Variants in CPHXL2 observed in about 807,000 individuals in gnomAD.
CPHXL2 encodes cytoplasmic polyadenylated homeobox like 2, also known as cytoplasmic polyadenylated homeobox-like protein 2.
the CPHXL2 span, among the ~76,000 whole-genome samples, chr16:75,662,335 CTTTTT>C: frequency 7.3e-4 from 92 of 126,760 alleles, 1 homozygote; most frequent in African/African-American, 2.8e-3. Flanking sequence ...TCTTTCTTTT[CTTTTT>C]TTTTTTTTTT....
the CPHXL2 span, among the ~76,000 whole-genome samples, chr16:75,667,603 A>G: frequency 6.6e-6 from 1 of 152,164 alleles, no homozygotes; most frequent in Non-Finnish European, 1.5e-5. Flanking sequence ...GTCCACAAAT[A>G]TTGGTTCATG....
the CPHXL2 span, among the ~76,000 whole-genome samples, chr16:75,666,217 C>T: frequency 1.3e-5 from 2 of 152,070 alleles, no homozygotes; most frequent in Non-Finnish European, 2.9e-5. Context: ...AGGCCTTGTA[C>T]AACAGGAAAA....
At chr16:75,662,830 G>A in the CPHXL2 span, among the ~76,000 whole-genome samples, 7 of 137,452 alleles carry the variant, frequency 5.1e-5, no homozygotes, top group South Asian at 4.5e-4. Flanking sequence ...ACGGAGTCTC[G>A]CTCTGTCGTC....
the CPHXL2 span, among the ~76,000 whole-genome samples, chr16:75,662,326 CTTTCT>C: frequency 9.7e-5 from 14 of 144,410 alleles, 1 homozygote; most frequent in East Asian, 1.2e-3. Context: ...TTCCCTTTTT[CTTTCT>C]TTTCTTTTTT....
At chr16:75,661,040 C>T in the CPHXL2 span, 1 of 400,742 alleles carries the variant, frequency 2.5e-6, no homozygotes, top group East Asian at 3.6e-5. Flanking sequence ...TCCTCTGTTT[C>T]TCCAGAAGGG....
the CPHXL2 span, among the ~76,000 whole-genome samples, chr16:75,662,944 G>A: frequency 3.9e-5 from 6 of 151,960 alleles, no homozygotes; most frequent in Non-Finnish European, 8.8e-5. Context: ...GACTACAGGT[G>A]CCCGCCACCA....
chr16:75,674,565 C>T, the CPHXL2 span, among the ~76,000 whole-genome samples: 3 of 152,188 alleles, frequency 2.0e-5, no homozygotes, highest in Admixed American at 6.5e-5. Flanking sequence ...AAAATCCCAG[C>T]TAACTGCTTT....
chr16:75,675,910 C>T, the CPHXL2 span, among the ~76,000 whole-genome samples: 2 of 152,066 alleles, frequency 1.3e-5, no homozygotes, highest in African/African-American at 4.8e-5. Context: ...GAAACCCCGT[C>T]TCTACTAAAA....
the CPHXL2 span, chr16:75,660,842 ACCTCCATACTCCAAAGCATAG>A: frequency 2.5e-6 from 1 of 398,398 alleles, no homozygotes; most frequent in African/African-American, 2.1e-5. Flanking sequence ...TTCCTGTGTC[ACCTCCATACTCCAAAGCATAG>A]CCTGGATGCT....
At chr16:75,662,964 A>T in the CPHXL2 span, among the ~76,000 whole-genome samples, 1 of 151,950 alleles carries the variant, frequency 6.6e-6, no homozygotes, top group South Asian at 2.1e-4. Context: ...AAGCCCGGCT[A>T]ATTTTTTTTG....
chr16:75,670,344 G>A, the CPHXL2 span, among the ~76,000 whole-genome samples: 2 of 152,136 alleles, frequency 1.3e-5, no homozygotes, highest in Admixed American at 6.5e-5. Context: ...GAACGGAATC[G>A]GAGCCTGAAA....
chr16:75,664,455 G>C, the CPHXL2 span, among the ~76,000 whole-genome samples: 2 of 151,852 alleles, frequency 1.3e-5, no homozygotes, highest in African/African-American at 2.4e-5. Context: ...GAGAAACCCC[G>C]TATTTACTAA....
At chr16:75,663,885 CAAAAAAAAA>C in the CPHXL2 span, among the ~76,000 whole-genome samples, 8 of 85,484 alleles carry the variant, frequency 9.4e-5, no homozygotes, top group South Asian at 4.0e-4. Context: ...GACTCTGTCT[CAAAAAAAAA>C]AAAAAAAAAA....
At chr16:75,676,701 C>T in the CPHXL2 span, among the ~76,000 whole-genome samples, 1 of 152,126 alleles carries the variant, frequency 6.6e-6, no homozygotes, top group Non-Finnish European at 1.5e-5. Context: ...CAAACTTCCC[C>T]CCAAGATTTT....
chr16:75,667,020 T>C, the CPHXL2 span, among the ~76,000 whole-genome samples: 1 of 151,958 alleles, frequency 6.6e-6, no homozygotes, highest in South Asian at 2.1e-4. Context: ...GTTAAAAAAT[T>C]CTTCAAACTG....
At chr16:75,667,898 A>G in the CPHXL2 span, among the ~76,000 whole-genome samples, 4 of 152,218 alleles carry the variant, frequency 2.6e-5, no homozygotes, top group African/African-American at 4.8e-5. Flanking sequence ...GACTTAAGTC[A>G]AGCATCCAAG....
the CPHXL2 span, among the ~76,000 whole-genome samples, chr16:75,662,742 G>A: frequency 6.6e-6 from 1 of 151,448 alleles, no homozygotes; most frequent in Non-Finnish European, 1.5e-5. Context: ...AGGCAGAGAT[G>A]AGAAAATGCT....
chr16:75,663,379 G>T, the CPHXL2 span, among the ~76,000 whole-genome samples: 1 of 152,202 alleles, frequency 6.6e-6, no homozygotes, highest in East Asian at 1.9e-4. Context: ...TTAAATGTCC[G>T]CACCAAAACT....
chr16:75,669,415 G>A, the CPHXL2 span: 3 of 400,556 alleles, frequency 7.5e-6, no homozygotes, highest in East Asian at 1.1e-4. Flanking sequence ...TTTCCTAGTG[G>A]TGAAATCAGG....
Sources: gnomAD v4.1 joint callset for allele counts (sites outside exome capture counted in the v4.1 genomes callset) on GRCh38, gnomAD v4.1.1 for gene constraint, MANE v1.5 for transcripts, NCBI Gene and HGNC (gene_info 2026-07-23, HGNC 2026-07-21) for gene names.